The following ABHD8 variants were observed in gnomAD, a reference collection of about 807,000 sequenced individuals.
ABHD8 encodes abhydrolase domain containing 8.
Under a neutral mutation model 29.3 loss-of-function variants are expected in ABHD8, and 10 were observed. The observed-to-expected ratio is 0.34, with a 90% CI of 0.21 to 0.58. The LOEUF (loss-of-function observed/expected upper bound fraction) is 0.58. Among genes scored for constraint, ABHD8 ranks in the 20% least tolerant of loss-of-function variants. The pLI is 0.85. For synonymous variants in ABHD8, 282 were observed against 274.6 expected (o/e 1.03, Z -0.27); for missense variants, 556 against 615.3 (o/e 0.90, Z 1.02).
chr19:17,293,094 CTTTCT>C (rs2074078150), intron 4 of ABHD8, among the ~76,000 whole-genome samples: 1 of 99,004 alleles, frequency 1.0e-5, no homozygotes, highest in Admixed American at 1.0e-4. Flanking sequence ...TTTTTCTTTT[CTTTCT>C]TTTTTTTTTT....
chr19:17,301,158 G>A lies in ABHD8; in HGVS notation c.459C>T (p.Arg153=). 2 of 1,611,138 alleles carry A rather than the reference G, an allele frequency of 1.2e-6. No homozygotes were observed. The highest frequency in any genetic ancestry group is 1.7e-6 in the Non-Finnish European group (2 of 1,179,612). ...GSGGRRRRAR[R]PKRTIHIDCE... ...AGTCAATATGGATGGTCCTCTTGGG[G>A]CGCCTGGCTCGCCGCCGCCGCCCAC... Residue 153 remains arginine, a synonymous_variant, in exon 2 of 5, where the codon CGC becomes CGT. Coordinates refer to ENST00000247706, the MANE Select transcript of ABHD8 (RefSeq NM_024527.5).
At chr19:17,294,189 C>T in intron 4 of ABHD8, 99 bp downstream of exon 4, 3 of 1,408,738 alleles carry the variant, frequency 2.1e-6, no homozygotes, top group Non-Finnish European at 2.8e-6. Context: ...GAAGAAAGCA[C>T]GCCCACCAAG....
chr19:17,293,102 T>C (rs1474350052), intron 4 of ABHD8, among the ~76,000 whole-genome samples: 2 of 149,572 alleles, frequency 1.3e-5, no homozygotes, highest in Admixed American at 6.6e-5. Flanking sequence ...TTCTTTCTTT[T>C]TTTTTTTTTT....
Position 17,297,930 on chromosome 19 carries a change from T to C in ABHD8, c.761+2926A>G, listed in dbSNP as rs1400254642. The C allele has an allele frequency of 2.7e-5, 4 of 150,272 alleles. No individual in the cohort carries two copies. In the South Asian group the frequency reaches 8.5e-4, roughly 32 times the overall value. The allele number at this position is 150,272 out of a possible 1,614,324, so 9.3% of individuals were successfully genotyped here. ...TTTTTCTTTTTTCTTTTTTTTTTTT[T>C]TTGAGATGGAGTCTCACTCTGTCAC... On this transcript the variant is annotated intron_variant, in intron 2 of 4. Transcript: ENST00000247706.
rs1336758703 is a variant in ABHD8 at position 17,301,367 on chromosome 19, C to T, written c.250G>A (p.Val84Met). The stretch of plus-strand genomic sequence containing the variant: ...ACCAGCAACCGCCCATTGCGGTACA[C>T]GGTGATCCGGCGCTGACAGCGGACC... ...GLVRCQRRIT[V>M]YRNGRLLVEN... Residue 84 changes from valine to methionine, a missense_variant, in exon 2 of 5, where the codon GTG becomes ATG. Val to Met is a conservative substitution (Grantham distance 21). Transcript: ENST00000247706. The T allele has an allele frequency of 6.2e-7, 1 of 1,610,798 alleles. No individual in the cohort carries two copies. The highest frequency in any genetic ancestry group is 8.5e-7 in the Non-Finnish European group (1 of 1,179,896).
In ABHD8 at chr19:17,292,605, C is replaced by G. The variant is rs113634768; in HGVS notation, c.*56G>C. The G allele has an allele frequency of 0.094, 143,997 of 1,525,780 alleles. 7,516 individuals carry two copies. Among genetic ancestry groups the G allele is most frequent in the Non-Finnish European group, 0.11 (122,425 of 1,135,504 alleles). 94.5% of individuals were successfully genotyped at this position (1,525,780 alleles called of 1,614,324 possible). A position where few individuals can be genotyped will look rare whatever the true frequency, so the allele number is the denominator to read the frequency against. Reference sequence around the variant, plus strand: ...CTGCGCTGCAGACCTGGCGCAGGCTCGGGCCTCCTCCTGCTGCGGCTGTGC... The same window carrying G: ...CTGCGCTGCAGACCTGGCGCAGGCTGGGGCCTCCTCCTGCTGCGGCTGTGC... On this transcript the variant is annotated 3_prime_UTR_variant, in exon 5 of 5. Transcript: ENST00000247706.
intron 2 of ABHD8, among the ~76,000 whole-genome samples, chr19:17,299,894 G>A (rs189336520): frequency 2.6e-4 from 38 of 144,896 alleles, no homozygotes; most frequent in Non-Finnish European, 4.9e-4. Context: ...ACCACCGCGC[G>A]TGGTGGCCCC....
chr19:17,296,441 T>C (rs2074094137), intron 2 of ABHD8: 1 of 152,182 alleles, frequency 6.6e-6, no homozygotes, highest in Non-Finnish European at 1.5e-5. Flanking sequence ...ATTAAACAAA[T>C]GCTTCCGGCT....
intron 2 of ABHD8, 117 bp from the exon 3 acceptor site, chr19:17,294,962 C>T (rs983525383): frequency 1.3e-5 from 17 of 1,288,606 alleles, no homozygotes; most frequent in Non-Finnish European, 1.6e-5. Flanking sequence ...TTTACTCTGT[C>T]CCCCAGGCTG....
At chr19:17,299,754 G>T (rs2074109218) in intron 2 of ABHD8, among the ~76,000 whole-genome samples, 1 of 150,516 alleles carries the variant, frequency 6.6e-6, no homozygotes, top group South Asian at 2.1e-4. Context: ...ATTGAAAAAT[G>T]GGATTTTTTT....
intron 4 of ABHD8, among the ~76,000 whole-genome samples, chr19:17,293,178 C>T (rs1389378739): frequency 6.6e-6 from 1 of 151,052 alleles, no homozygotes; most frequent in Non-Finnish European, 1.5e-5. Flanking sequence ...TCACTCCAAC[C>T]TCTGCCTCCC....
At chr19:17,294,251 G>A (rs2074083400) in intron 4 of ABHD8, 37 bp downstream of exon 4, 10 of 1,585,272 alleles carry the variant, frequency 6.3e-6, no homozygotes, top group Non-Finnish European at 8.5e-6. Context: ...GCACCCTGGG[G>A]ATTTGTAGCT....
At position 17,292,545 on chromosome 19, in the gene ABHD8, C is replaced by T; in HGVS notation, c.*116G>A. 7.9e-7 allele frequency: 1 copy of T among 1,270,164 alleles called. No homozygotes were observed. The highest frequency in any genetic ancestry group is 3.1e-5 in the Admixed American group (1 of 31,748). The allele number at this position is 1,270,164 out of a possible 1,614,324, so 78.7% of individuals were successfully genotyped here. On this transcript the variant is annotated 3_prime_UTR_variant, in exon 5 of 5. Transcript: ENST00000247706. ...CCTGGGGGCGTCTCCCTGACCTGGC[C>T]CCGCCCACCGGAGCGAACGGCCCGC...
In ABHD8 at chr19:17,301,357, T is replaced by C. The variant is rs932304480; in HGVS notation, c.260A>G (p.Asn87Ser). Residue 87 changes from asparagine to serine, a missense_variant, in exon 2 of 5, where the codon AAT becomes AGT. Transcript: ENST00000247706. ...CAGGTTTTCCACCAGCAACCGCCCA[T>C]TGCGGTACACGGTGATCCGGCGCTG... ...RCQRRITVYRNGRLLVENLGR... is the reference protein window; with the variant it reads ...RCQRRITVYRSGRLLVENLGR... 1.9e-6 allele frequency: 3 copies of C among 1,610,230 alleles called. No homozygotes were observed. Among genetic ancestry groups the C allele is most frequent in the African/African-American group, 1.3e-5 (1 of 75,048 alleles).
chr19:17,302,886 T>C (rs1278178857), intron 1 of ABHD8: 2 of 152,400 alleles, frequency 1.3e-5, no homozygotes, highest in Non-Finnish European at 2.9e-5. Context: ...GGCCTGGAGA[T>C]GGGACCAGCT....
chr19:17,298,689 A>C (rs1427855031), intron 2 of ABHD8, among the ~76,000 whole-genome samples: 1 of 151,978 alleles, frequency 6.6e-6, no homozygotes, highest in African/African-American at 2.4e-5. Flanking sequence ...TCACAGAAAA[A>C]AAATAACCTG....
At position 17,292,510 on chromosome 19, in the gene ABHD8, G is replaced by A. The variant is rs2074075112; in HGVS notation, c.*151C>T. On this transcript the variant is annotated 3_prime_UTR_variant, in exon 5 of 5. Coordinates refer to ENST00000247706, the MANE Select transcript of ABHD8 (RefSeq NM_024527.5). ...TGGGCTCCCTCGGATGCCACGCCCCGCCCAGGCAGCCTGGGGGCGTCTCCC... is the reference window on the plus strand; with the variant it reads ...TGGGCTCCCTCGGATGCCACGCCCCACCCAGGCAGCCTGGGGGCGTCTCCC... 1.2e-5 allele frequency: 11 copies of A among 915,024 alleles called. No individual in the cohort carries two copies. The highest frequency in any genetic ancestry group is 1.4e-5 in the Non-Finnish European group (9 of 653,224). 56.7% of individuals were successfully genotyped at this position (915,024 alleles called of 1,614,324 possible). A position where few individuals can be genotyped will look rare whatever the true frequency, so the allele number is the denominator to read the frequency against.
intron 2 of ABHD8, among the ~76,000 whole-genome samples, chr19:17,295,733 G>T (rs1029114287): frequency 3.3e-5 from 5 of 152,116 alleles, no homozygotes; most frequent in East Asian, 3.9e-4. Flanking sequence ...TTGAGACAAG[G>T]TTTCGCTGTC....
chr19:17,295,166 C>T (rs1207215901), intron 2 of ABHD8, among the ~76,000 whole-genome samples: 2 of 132,080 alleles, frequency 1.5e-5, no homozygotes, highest in African/African-American at 5.8e-5. Flanking sequence ...ACTGCAGTGG[C>T]GCAATCTCGG....
Sources: allele counts gnomAD v4.1 joint callset (sites outside exome capture counted in the v4.1 genomes callset), GRCh38; gene constraint gnomAD v4.1.1; transcripts MANE v1.5; gene names NCBI Gene and HGNC (gene_info 2026-07-23, HGNC 2026-07-21).